The following UTRN variants were observed in gnomAD, a reference collection of about 807,000 sequenced individuals.
UTRN encodes dystrophin-related protein 1.
A neutral mutation model predicts 463.9 loss-of-function variants in UTRN; 283 were observed. The observed-to-expected ratio is 0.61, with a 90% CI of 0.55 to 0.67. UTRN has a LOEUF of 0.67. Ranked by LOEUF, UTRN falls within the 30% of genes least tolerant of loss-of-function variation. UTRN has a pLI of 0.00. For synonymous variants in UTRN, 1,442 were observed against 1,431.5 expected (o/e 1.01, Z -0.17); for missense variants, 3,922 against 4,084.3 (o/e 0.96, Z 1.08).
intron 3 of UTRN, among the ~76,000 whole-genome samples, chr6:144,418,189 A>G (rs886711633): frequency 6.0e-5 from 9 of 149,974 alleles, no homozygotes; most frequent in African/African-American, 2.2e-4. Context: ...ATCCATAATT[A>G]TTTATAATAT....
At chr6:144,531,009 G>A (rs761368486) in intron 41 of UTRN, 43 bp from the exon 42 acceptor site, 1 of 1,583,802 alleles carries the variant, frequency 6.3e-7, no homozygotes, top group Non-Finnish European at 8.6e-7. Flanking sequence ...AGGCAGTCCT[G>A]GAAAATTTGG....
At chr6:144,567,201 G>A (rs530835605) in intron 50 of UTRN, among the ~76,000 whole-genome samples, 91 of 152,084 alleles carry the variant, frequency 6.0e-4, no homozygotes, top group Non-Finnish European at 1.1e-3. Context: ...TTTCAGTGAA[G>A]ACAAAAAGGG....
intron 51 of UTRN, among the ~76,000 whole-genome samples, chr6:144,586,814 G>A (rs910249876): frequency 6.6e-6 from 1 of 152,018 alleles, no homozygotes; most frequent in African/African-American, 2.4e-5. Flanking sequence ...AAAATATTTA[G>A]TGCTGTAAAT....
chr6:144,631,802 A>C (rs1398706358), intron 51 of UTRN, among the ~76,000 whole-genome samples: 1 of 152,154 alleles, frequency 6.6e-6, no homozygotes, highest in Non-Finnish European at 1.5e-5. Flanking sequence ...TGGCATTCGG[A>C]ACACAATAAT....
In UTRN at chr6:144,307,120, A is replaced by T. The variant is rs181090363; in HGVS notation, c.79+15213A>T. ...TTTATTTATCTTTGTATTTTCTGAG[A>T]TATTTTTGACTGACCCTAAAATGAG... On this transcript the variant is annotated intron_variant, in intron 2 of 74. Transcript: ENST00000367545. 2.0e-5 allele frequency among the ~76,000 whole-genome samples: 3 copies of T among 152,152 alleles called. No individual in the cohort carries two copies. In the East Asian group the frequency reaches 5.8e-4, roughly 29 times the overall value.
At position 144,799,325 on chromosome 6, in the gene UTRN, G is replaced by C. The variant is rs754575421; in HGVS notation, c.9245+1335G>C. ...AGTTGGGAAGACTAAAGTATTGTGAGGTCAGAGGGCCTTGCTGCTATGCAT... is the reference window on the plus strand; with the variant it reads ...AGTTGGGAAGACTAAAGTATTGTGACGTCAGAGGGCCTTGCTGCTATGCAT... On this transcript the variant is annotated intron_variant, in intron 64 of 74. Transcript: ENST00000367545. The C allele has an allele frequency of 1.0e-5, 4 of 401,542 alleles. No homozygotes were observed. The Admixed American group carries it at 1.2e-4, about 12-fold the overall frequency. 24.9% of individuals were successfully genotyped at this position (401,542 alleles called of 1,614,324 possible).
intron 58 of UTRN, among the ~76,000 whole-genome samples, chr6:144,768,964 T>TTTTTG (rs1562884833): frequency 2.7e-5 from 4 of 148,134 alleles, no homozygotes; most frequent in African/African-American, 1.0e-4. Flanking sequence ...TTTTGTTTTT[T>TTTTTG]TTTTTTTAAT....
intron 53 of UTRN, among the ~76,000 whole-genome samples, chr6:144,709,747 A>G (rs1324075412): frequency 6.6e-6 from 1 of 152,230 alleles, no homozygotes; most frequent in Non-Finnish European, 1.5e-5. Flanking sequence ...AATTATTCCA[A>G]AAGGTATGAT....
At chr6:144,580,732 T>G (rs1309086402) in intron 51 of UTRN, among the ~76,000 whole-genome samples, 1 of 152,200 alleles carries the variant, frequency 6.6e-6, no homozygotes, top group Non-Finnish European at 1.5e-5. Flanking sequence ...ATTTATATTT[T>G]AATCCAGTGG....
intron 62 of UTRN, among the ~76,000 whole-genome samples, chr6:144,790,212 C>A (rs907157585): frequency 6.6e-5 from 10 of 152,154 alleles, no homozygotes; most frequent in Admixed American, 2.0e-4. Context: ...TATCACATAT[C>A]TTTTGATTTA....
chr6:144,700,316 A>G (rs1474515850), intron 53 of UTRN, 73 bp downstream of exon 53: 10 of 1,480,320 alleles, frequency 6.8e-6, no homozygotes, highest in Non-Finnish European at 9.1e-6. Context: ...ACAATTATAG[A>G]TAAGTATCAG....
At chr6:144,603,632 C>T (rs768721342) in intron 51 of UTRN, among the ~76,000 whole-genome samples, 3 of 151,942 alleles carry the variant, frequency 2.0e-5, no homozygotes, top group Non-Finnish European at 4.4e-5. Context: ...GTTCTGTCAT[C>T]GAAGTAATGA....
intron 27 of UTRN, among the ~76,000 whole-genome samples, chr6:144,483,466 A>G (rs1450152199): frequency 3.3e-5 from 5 of 152,138 alleles, no homozygotes; most frequent in African/African-American, 1.2e-4. Flanking sequence ...TGTTTGAGAC[A>G]GGGTCTTGCT....
chr6:144,694,867 G>A (rs147223362), intron 52 of UTRN, among the ~76,000 whole-genome samples: 73 of 151,360 alleles, frequency 4.8e-4, no homozygotes, highest in African/African-American at 1.7e-3. Flanking sequence ...TCTTTTGAAT[G>A]GTTTTTTTGT....
At chr6:144,632,612 G>A (rs1036962536) in intron 51 of UTRN, among the ~76,000 whole-genome samples, 7 of 151,978 alleles carry the variant, frequency 4.6e-5, no homozygotes, top group Admixed American at 1.3e-4. Context: ...TGATACCTGC[G>A]GTCTTATTTA....
intron 51 of UTRN, among the ~76,000 whole-genome samples, chr6:144,625,159 G>A (rs562900135): frequency 6.1e-4 from 93 of 152,272 alleles, no homozygotes; most frequent in African/African-American, 2.2e-3. Flanking sequence ...AAGAAATAGT[G>A]TGATGCCCCC....
intron 2 of UTRN, among the ~76,000 whole-genome samples, chr6:144,314,702 C>T (rs2114567109): frequency 6.6e-6 from 1 of 152,220 alleles, no homozygotes; most frequent in East Asian, 1.9e-4. Context: ...TGAATATTTA[C>T]ACTAAGTGGA....
At chr6:144,673,186 G>A (rs902342541) in intron 51 of UTRN, among the ~76,000 whole-genome samples, 2 of 152,120 alleles carry the variant, frequency 1.3e-5, no homozygotes, top group African/African-American at 4.8e-5. Context: ...TATCTGTTAA[G>A]CCCATTTGTT....
chr6:144,426,246 TG>T, intron 6 of UTRN, 40 bp from the exon 7 acceptor site: 5 of 1,564,866 alleles, frequency 3.2e-6, no homozygotes, highest in Non-Finnish European at 4.3e-6. Flanking sequence ...AGTAAATTAC[TG>T]AAGTATTAGT....
Sources: gnomAD v4.1 joint callset for allele counts (sites outside exome capture counted in the v4.1 genomes callset) on GRCh38, gnomAD v4.1.1 for gene constraint, MANE v1.5 for transcripts, NCBI Gene and HGNC (gene_info 2026-07-23, HGNC 2026-07-21) for gene names.